Variants in HS3ST5 observed in about 807,000 individuals in gnomAD.
HS3ST5 encodes heparan sulfate-glucosamine 3-sulfotransferase 5.
A neutral mutation model predicts 25.4 loss-of-function variants in HS3ST5; 10 were observed. The observed-to-expected ratio is 0.39, with a 90% CI of 0.24 to 0.67. The LOEUF (loss-of-function observed/expected upper bound fraction) is 0.67, where lower values mean the gene tolerates loss of function less well. Among genes scored for constraint, HS3ST5 ranks in the 30% least tolerant of loss-of-function variants. HS3ST5 has a pLI of 0.44. For missense variants in HS3ST5, 324 were observed against 420.7 expected, an observed-to-expected ratio of 0.77 and a Z score of 2.01; for synonymous variants, 170 against 162.4, an observed-to-expected ratio of 1.05 and a Z score of -0.36.
intron 3 of HS3ST5, among the ~76,000 whole-genome samples, chr6:114,064,795 A>G (rs967157147): frequency 6.6e-6 from 1 of 152,204 alleles, no homozygotes; most frequent in African/African-American, 2.4e-5. Context: ...AGAAAGAGTA[A>G]TAGGAGGAAC....
chr6:114,083,745 T>A (rs1218715552), intron 3 of HS3ST5, among the ~76,000 whole-genome samples: 3 of 152,206 alleles, frequency 2.0e-5, no homozygotes, highest in African/African-American at 7.2e-5. Context: ...TTTAAAAATT[T>A]GGGGAAATTC....
intron 3 of HS3ST5, among the ~76,000 whole-genome samples, chr6:114,150,339 G>C (rs144070894): frequency 2.0e-5 from 3 of 152,296 alleles, no homozygotes; most frequent in Non-Finnish European, 1.5e-5. Flanking sequence ...TTAAGTTCCA[G>C]TGGCACACAG....
chr6:114,101,689 CCA>C (rs1775741802), intron 3 of HS3ST5, among the ~76,000 whole-genome samples: 1 of 152,140 alleles, frequency 6.6e-6, no homozygotes, highest in Non-Finnish European at 1.5e-5. Context: ...CCCAGCAATC[CCA>C]TTATTGGGTA....
chr6:114,276,990 G>A (rs1773885352), intron 1 of HS3ST5, among the ~76,000 whole-genome samples: 1 of 151,944 alleles, frequency 6.6e-6, no homozygotes, highest in Admixed American at 6.6e-5. Context: ...AGGGAGTGGT[G>A]CATTTGGCAA....
intron 3 of HS3ST5, among the ~76,000 whole-genome samples, chr6:114,081,916 T>C (rs1218611962): frequency 6.6e-6 from 1 of 152,220 alleles, no homozygotes; most frequent in Middle Eastern, 3.2e-3. Flanking sequence ...CATTTTAATA[T>C]ATTCACAGTA....
chr6:114,154,039 C>G (rs1215379019), intron 3 of HS3ST5, among the ~76,000 whole-genome samples: 1 of 152,076 alleles, frequency 6.6e-6, no homozygotes, highest in Non-Finnish European at 1.5e-5. Context: ...AGTTTTAGTT[C>G]CTGGGTCTCA....
At chr6:114,093,522 T>C (rs1266828814) in intron 3 of HS3ST5, among the ~76,000 whole-genome samples, 2 of 152,046 alleles carry the variant, frequency 1.3e-5, no homozygotes, top group East Asian at 3.9e-4. Context: ...ACTGTTCATT[T>C]CGCCTACCTT....
chr6:114,316,650 A>G (rs1376300890), intron 1 of HS3ST5, among the ~76,000 whole-genome samples: 1 of 152,208 alleles, frequency 6.6e-6, no homozygotes, highest in Non-Finnish European at 1.5e-5. Flanking sequence ...CTTGCCAGAT[A>G]TTTACACTCT....
Position 114,057,679 on chromosome 6 carries a change from A to G in HS3ST5, c.619T>C (p.Tyr207His), listed in dbSNP as rs1391341669. 6.2e-6 allele frequency: 10 copies of G among 1,614,146 alleles called. No individual in the cohort carries two copies. The highest frequency in any genetic ancestry group is 7.6e-6 in the Non-Finnish European group (9 of 1,180,024). ...ATGGCCAGCTTCTCAAACTTGTAAT[A>G]AGTTTTGTTCTTCCTCTCCTTCCCC... is the stretch of plus-strand genomic sequence containing the variant. Reference protein sequence around the residue: ...LEGKERKNKTYYKFEKLAIDP... With the variant: ...LEGKERKNKTHYKFEKLAIDP... Residue 207 changes from tyrosine to histidine, a missense_variant, in exon 5 of 5, where the codon TAT (tyrosine) becomes CAT (histidine). Physicochemically the swap from Tyr to His is moderately conservative, Grantham distance 83. This residue lies in a region of HS3ST5 where 203 missense variants were observed against 303.4 expected (regional missense o/e 0.67). Transcript: ENST00000312719.
At chr6:114,224,976 C>G (rs1782223977) in intron 2 of HS3ST5, among the ~76,000 whole-genome samples, 1 of 151,642 alleles carries the variant, frequency 6.6e-6, no homozygotes, top group Non-Finnish European at 1.5e-5. Context: ...AAGATGGACT[C>G]TTGATAACAA....
At chr6:114,112,030 C>T (rs147955615) in intron 3 of HS3ST5, among the ~76,000 whole-genome samples, 129 of 152,170 alleles carry the variant, frequency 8.5e-4, no homozygotes, top group Non-Finnish European at 1.5e-3. Flanking sequence ...TCCATGGTTC[C>T]GCTGTATAAT....
chr6:114,196,546 C>G (rs1048265008), intron 2 of HS3ST5, among the ~76,000 whole-genome samples: 3 of 151,552 alleles, frequency 2.0e-5, no homozygotes, highest in African/African-American at 7.3e-5. Context: ...ATTCTAATGA[C>G]AAAACCAAAT....
At chr6:114,183,806 A>G (rs1031080564) in intron 2 of HS3ST5, among the ~76,000 whole-genome samples, 1 of 152,202 alleles carries the variant, frequency 6.6e-6, no homozygotes, top group Non-Finnish European at 1.5e-5. Flanking sequence ...GAGAATACAC[A>G]GATAATCATG....
intron 3 of HS3ST5, among the ~76,000 whole-genome samples, chr6:114,128,767 G>A (rs1449595991): frequency 1.3e-5 from 2 of 152,304 alleles, no homozygotes; most frequent in African/African-American, 4.8e-5. Context: ...TACAGAAAAA[G>A]AGAGTAAGCA....
At chr6:114,279,491 C>G (rs1774008938) in intron 1 of HS3ST5, among the ~76,000 whole-genome samples, 1 of 152,056 alleles carries the variant, frequency 6.6e-6, no homozygotes, top group Non-Finnish European at 1.5e-5. Flanking sequence ...GTGATGGCAT[C>G]TAACAAAGCT....
chr6:114,056,249 G>A lies in HS3ST5; in HGVS notation c.*1008C>T, dbSNP rs533086641. The A allele has an allele frequency of 6.6e-6, 1 of 152,256 alleles. No homozygotes were observed. The highest frequency in any genetic ancestry group is 2.4e-5 in the African/African-American group (1 of 41,532). The allele number at this position is 152,256 out of a possible 1,614,324, so 9.4% of individuals were successfully genotyped here. ...GCAGAGCAGCACTAGGGTTCTTTGA[G>A]GTGGCTATTATACTTGATTTCCAGA... is the stretch of plus-strand genomic sequence containing the variant. On this transcript the variant is annotated 3_prime_UTR_variant, in exon 5 of 5. Transcript: ENST00000312719.
chr6:114,146,049 A>T lies in HS3ST5; in HGVS notation c.-33+22302T>A, dbSNP rs1215181582. Among the ~76,000 whole-genome samples the T allele has an allele frequency of 3.9e-5, 6 of 152,336 alleles. No individual in the cohort carries two copies. The East Asian group carries it at 1.2e-3, about 29-fold the overall frequency. ...AAACTCTCATAATTTTCAATAGAAA[A>T]AAATAGTCTGATTTAGAAATAAAAT... On this transcript the variant is annotated intron_variant, in intron 3 of 4. Transcript: ENST00000312719.
At chr6:114,292,964 T>A (rs1774647857) in intron 1 of HS3ST5, among the ~76,000 whole-genome samples, 1 of 152,034 alleles carries the variant, frequency 6.6e-6, no homozygotes, top group Admixed American at 6.6e-5. Context: ...ATATTTTTGA[T>A]CAAGTTTGGT....
intron 2 of HS3ST5, among the ~76,000 whole-genome samples, chr6:114,220,122 G>A (rs1045285925): frequency 1.3e-5 from 2 of 151,806 alleles, no homozygotes; most frequent in African/African-American, 4.8e-5. Flanking sequence ...AAATACATAC[G>A]AAAATTCTAT....
Sources: gnomAD v4.1 joint callset for allele counts (sites outside exome capture counted in the v4.1 genomes callset) on GRCh38, gnomAD v4.1.1 for gene constraint, gnomAD v4.1.1 regional missense constraint, MANE v1.5 for transcripts, NCBI Gene and HGNC (gene_info 2026-07-23, HGNC 2026-07-21) for gene names.